CACNA2D3: variants seen among roughly 807,000 people sequenced by gnomAD.
The protein encoded by CACNA2D3 is voltage-dependent calcium channel subunit alpha-2/delta-3.
In CACNA2D3, 60 loss-of-function variants were observed where a neutral mutation model predicts 160.6. The ratio of observed to expected loss-of-function variants is 0.37; its 90% confidence interval spans 0.30 to 0.46. The LOEUF is 0.46. CACNA2D3 is among the 20% of genes least tolerant of loss of function. The pLI, the probability that CACNA2D3 is intolerant of heterozygous loss-of-function variation, is 1.00. For synonymous variants in CACNA2D3, 558 were observed against 492.9 expected, an observed-to-expected ratio of 1.13 and a Z score of -1.75; for missense variants, 1,205 against 1,365.0, an observed-to-expected ratio of 0.88 and a Z score of 1.85.
Position 54,650,192 on chromosome 3 carries a change from G to GT in CACNA2D3, c.1167+7957dup, listed in dbSNP as rs1699733533. 8.9e-5 allele frequency among the ~76,000 whole-genome samples: 8 copies of GT among 89,678 alleles called. No individual in the cohort carries two copies. The South Asian group carries it at 3.3e-3, about 37-fold the overall frequency. 58.8% of individuals were successfully genotyped at this position (89,678 alleles called of 152,430 possible). A position where few individuals can be genotyped will look rare whatever the true frequency, so the allele number is the denominator to read the frequency against. ...CAATTGTAGGGTAGCTTGTTTTTTT[G>GT]TTTTTTGTTTTTGTTTGTTTGTTTG... On this transcript the variant is annotated intron_variant, in intron 11 of 37. Coordinates refer to ENST00000474759, the MANE Select transcript of CACNA2D3 (RefSeq NM_018398.3).
chr3:54,964,319 CA>C (rs1393582816), intron 27 of CACNA2D3, among the ~76,000 whole-genome samples: 1 of 152,050 alleles, frequency 6.6e-6, no homozygotes, highest in African/African-American at 2.4e-5. Context: ...CATCTGTAAT[CA>C]AATTGAAGTA....
intron 2 of CACNA2D3, among the ~76,000 whole-genome samples, chr3:54,307,579 T>C (rs1229109343): frequency 6.6e-6 from 1 of 152,158 alleles, no homozygotes; most frequent in South Asian, 2.1e-4. Context: ...TCTTCCCCAA[T>C]GAAAAGCTAG....
intron 2 of CACNA2D3, among the ~76,000 whole-genome samples, chr3:54,309,406 C>A (rs1331552238): frequency 6.6e-6 from 1 of 152,190 alleles, no homozygotes. Flanking sequence ...CTCTGTTGAA[C>A]AGGAAAAGCT....
intron 11 of CACNA2D3, among the ~76,000 whole-genome samples, chr3:54,684,162 T>C (rs549256161): frequency 6.6e-6 from 1 of 152,168 alleles, no homozygotes; most frequent in Non-Finnish European, 1.5e-5. Flanking sequence ...GGTTTCACCA[T>C]GTTGGCCAGG....
At chr3:54,505,709 A>G (rs1701358403) in intron 5 of CACNA2D3, among the ~76,000 whole-genome samples, 1 of 152,216 alleles carries the variant, frequency 6.6e-6, no homozygotes, top group East Asian at 1.9e-4. Flanking sequence ...ACATAAAACA[A>G]TTCAGAATGA....
At chr3:54,667,499 C>T (rs928087372) in intron 11 of CACNA2D3, among the ~76,000 whole-genome samples, 10 of 152,148 alleles carry the variant, frequency 6.6e-5, no homozygotes, top group African/African-American at 2.4e-4. Flanking sequence ...CCATCAGAGA[C>T]AATATCCCTA....
At chr3:54,286,099 GAGA>G (rs1387669077) in intron 2 of CACNA2D3, among the ~76,000 whole-genome samples, 1 of 152,220 alleles carries the variant, frequency 6.6e-6, no homozygotes, top group Non-Finnish European at 1.5e-5. Context: ...GACGAGTTGA[GAGA>G]AGAAGGCTTC....
intron 27 of CACNA2D3, among the ~76,000 whole-genome samples, chr3:54,937,728 A>C (rs1701365849): frequency 6.6e-6 from 1 of 152,028 alleles, no homozygotes; most frequent in Non-Finnish European, 1.5e-5. Flanking sequence ...AGAGAGGGGA[A>C]GAGACGAGGG....
At chr3:54,128,576 A>G (rs1028213824) in intron 2 of CACNA2D3, among the ~76,000 whole-genome samples, 18 of 152,302 alleles carry the variant, frequency 1.2e-4, no homozygotes, top group Non-Finnish European at 1.2e-4. Context: ...CTGATTTACC[A>G]TCATAGATGC....
At chr3:54,231,266 T>G (rs2107392647) in intron 2 of CACNA2D3, among the ~76,000 whole-genome samples, 1 of 152,294 alleles carries the variant, frequency 6.6e-6, no homozygotes, top group South Asian at 2.1e-4. Flanking sequence ...GCACCTTGGC[T>G]GGGTAGAAGT....
At chr3:55,003,499 T>C (rs536823241) in intron 31 of CACNA2D3, among the ~76,000 whole-genome samples, 35 of 152,270 alleles carry the variant, frequency 2.3e-4, no homozygotes, top group African/African-American at 8.2e-4. Context: ...AAATTTATTT[T>C]AATATGGACA....
intron 35 of CACNA2D3, among the ~76,000 whole-genome samples, chr3:55,035,594 A>G (rs1454744139): frequency 6.6e-6 from 1 of 152,180 alleles, no homozygotes; most frequent in Non-Finnish European, 1.5e-5. Flanking sequence ...TGCTAATACT[A>G]TTGATTCTAA....
intron 13 of CACNA2D3, 124 bp downstream of exon 13, chr3:54,764,475 T>A: frequency 2.4e-6 from 3 of 1,227,612 alleles, no homozygotes; most frequent in Non-Finnish European, 2.3e-6. Flanking sequence ...TTCTTGATTG[T>A]TTGTATAGTG....
At chr3:54,193,831 A>G (rs1410212212) in intron 2 of CACNA2D3, among the ~76,000 whole-genome samples, 1 of 152,100 alleles carries the variant, frequency 6.6e-6, no homozygotes, top group Non-Finnish European at 1.5e-5. Context: ...TCACTTATGG[A>G]CCATGTGGCA....
chr3:54,596,296 A>G (rs911712047), intron 9 of CACNA2D3, among the ~76,000 whole-genome samples: 3 of 152,054 alleles, frequency 2.0e-5, no homozygotes, highest in Non-Finnish European at 4.4e-5. Flanking sequence ...CTTGGTGCAG[A>G]GTTCCATTCC....
chr3:55,020,815 C>T (rs1342890062), intron 35 of CACNA2D3, among the ~76,000 whole-genome samples: 1 of 151,412 alleles, frequency 6.6e-6, no homozygotes, highest in African/African-American at 2.4e-5. Flanking sequence ...CTCAGCACTG[C>T]ACTCCAGCCC....
At chr3:54,892,975 T>TAAAAAAATTTTGGTTA (rs1402928642) in intron 25 of CACNA2D3, among the ~76,000 whole-genome samples, 3 of 152,120 alleles carry the variant, frequency 2.0e-5, no homozygotes, top group African/African-American at 7.2e-5. Context: ...ACTGTGAAGA[T>TAAAAAAATTTTGGTTA]CAAAAAAAAT....
At chr3:54,999,907 C>T (rs1031266187) in intron 31 of CACNA2D3, among the ~76,000 whole-genome samples, 3 of 152,178 alleles carry the variant, frequency 2.0e-5, no homozygotes. Flanking sequence ...GCAGGGCTAC[C>T]AGGCTTTGTT....
chr3:54,540,224 C>G (rs530534399), intron 5 of CACNA2D3, among the ~76,000 whole-genome samples: 216 of 152,252 alleles, frequency 1.4e-3, no homozygotes, highest in Non-Finnish European at 2.5e-3. Flanking sequence ...CAAGAACTTC[C>G]AATTCAGCGG....
Sources: allele counts gnomAD v4.1 joint callset (sites outside exome capture counted in the v4.1 genomes callset), GRCh38; gene constraint gnomAD v4.1.1; transcripts MANE v1.5; gene names NCBI Gene and HGNC (gene_info 2026-07-23, HGNC 2026-07-21).